The following SOX5 variants were observed in gnomAD, a reference collection of about 807,000 sequenced individuals.
SOX5 encodes the protein transcription factor SOX-5.
A neutral mutation model predicts 92.0 loss-of-function variants in SOX5; 9 were observed. That is an observed-to-expected ratio of 0.10 (90% confidence interval 0.06 to 0.17). The LOEUF (loss-of-function observed/expected upper bound fraction) is 0.17, where lower values mean the gene tolerates loss of function less well. SOX5 is among the 10% of genes least tolerant of loss of function. SOX5 has a pLI of 1.00. For missense variants in SOX5, 642 were observed against 944.5 expected, an observed-to-expected ratio of 0.68 and a Z score of 4.20; for synonymous variants, 344 against 336.3, an observed-to-expected ratio of 1.02 and a Z score of -0.25.
chr12:24,541,335 T>A (rs1437436992), intron 1 of SOX5, among the ~76,000 whole-genome samples: 1 of 152,236 alleles, frequency 6.6e-6, no homozygotes, highest in African/African-American at 2.4e-5. Context: ...GTTGCTTTCA[T>A]TATTTGTATT....
chr12:23,677,258 T>G (rs1355352532), intron 6 of SOX5, among the ~76,000 whole-genome samples: 1 of 152,154 alleles, frequency 6.6e-6, no homozygotes, highest in Non-Finnish European at 1.5e-5. Flanking sequence ...TTTTGTGTGT[T>G]TCATTAGATG....
At chr12:24,549,940 T>C (rs1952991643) in intron 1 of SOX5, among the ~76,000 whole-genome samples, 1 of 151,972 alleles carries the variant, frequency 6.6e-6, no homozygotes, top group Admixed American at 6.6e-5. Context: ...GAGGGGTGAA[T>C]ATAGAAGAAA....
At chr12:24,291,499 C>T (rs957312074) in intron 2 of SOX5, among the ~76,000 whole-genome samples, 1 of 152,192 alleles carries the variant, frequency 6.6e-6, no homozygotes, top group African/African-American at 2.4e-5. Context: ...CTCTAAGGAG[C>T]TATTGCTGTA....
chr12:24,322,548 G>T (rs1237150634), intron 2 of SOX5, among the ~76,000 whole-genome samples: 1 of 152,108 alleles, frequency 6.6e-6, no homozygotes, highest in Non-Finnish European at 1.5e-5. Flanking sequence ...GCTCTTACAG[G>T]CTGACCTAAA....
At chr12:23,620,919 G>A (rs7967172) in intron 8 of SOX5, among the ~76,000 whole-genome samples, 103,091 of 151,980 alleles carry the variant, frequency 0.68, 35,524 homozygotes, top group African/African-American at 0.81. Flanking sequence ...ATTAGAAAAT[G>A]TCAGTAAATA....
At chr12:24,439,371 T>C (rs1940057677) in intron 1 of SOX5, among the ~76,000 whole-genome samples, 1 of 152,188 alleles carries the variant, frequency 6.6e-6, no homozygotes, top group Non-Finnish European at 1.5e-5. Flanking sequence ...GAACTTATGA[T>C]GTCTCTGAGG....
At chr12:23,551,482 A>G (rs1175514261) in intron 11 of SOX5, among the ~76,000 whole-genome samples, 2 of 151,810 alleles carry the variant, frequency 1.3e-5, no homozygotes, top group Non-Finnish European at 2.9e-5. Flanking sequence ...TGTATAAATG[A>G]TATATAAACT....
chr12:24,512,280 T>C (rs547162983), intron 1 of SOX5, among the ~76,000 whole-genome samples: 3 of 152,326 alleles, frequency 2.0e-5, no homozygotes, highest in Admixed American at 1.3e-4. Flanking sequence ...ATACTTGATC[T>C]ATCTACTACT....
chr12:23,543,485 AAG>A, intron 12 of SOX5, 101 bp from the exon 13 acceptor site: 1 of 860,852 alleles, frequency 1.2e-6, no homozygotes, highest in East Asian at 2.5e-5. Context: ...TGAAAAGAAA[AAG>A]TACTTCTGAT....
chr12:23,621,275 C>T (rs1427668239), intron 8 of SOX5, among the ~76,000 whole-genome samples: 2 of 151,916 alleles, frequency 1.3e-5, no homozygotes, highest in South Asian at 2.1e-4. Flanking sequence ...TAGAATAGAG[C>T]TTATCAGGGG....
intron 4 of SOX5, among the ~76,000 whole-genome samples, chr12:24,153,132 A>G (rs769344684): frequency 1.3e-5 from 2 of 152,156 alleles, no homozygotes; most frequent in Non-Finnish European, 2.9e-5. Flanking sequence ...TGCTTCCACC[A>G]AACCTCCCAT....
At chr12:24,418,135 T>C (rs1169142853) in intron 1 of SOX5, among the ~76,000 whole-genome samples, 4 of 152,202 alleles carry the variant, frequency 2.6e-5, no homozygotes, top group Non-Finnish European at 5.9e-5. Context: ...GTTCATTATT[T>C]ACTCACGTGC....
rs538820080 is a variant in SOX5 at position 24,551,264 on chromosome 12, A to G, written c.-251+11065T>C. On this transcript the variant is annotated intron_variant, in intron 1 of 4. Transcript: ENST00000446891. ...TACTTATTAAATAGCTAATATTAGC[A>G]AGACACTGTGCTGGGCACGCTGGTG... Among the ~76,000 whole-genome samples, 7 of 152,368 alleles carry G rather than the reference A, an allele frequency of 4.6e-5. 1 individual carries two copies. The highest frequency in any genetic ancestry group is 1.7e-4 in the African/African-American group (7 of 41,590).
intron 1 of SOX5, among the ~76,000 whole-genome samples, chr12:24,372,572 G>A (rs1956849106): frequency 2.0e-5 from 3 of 152,108 alleles, no homozygotes; most frequent in Admixed American, 2.0e-4. Flanking sequence ...TTGCTATTGT[G>A]AACAGTGCCA....
intron 4 of SOX5, among the ~76,000 whole-genome samples, chr12:24,186,337 C>G (rs1956011427): frequency 6.6e-6 from 1 of 152,062 alleles, no homozygotes; most frequent in Non-Finnish European, 1.5e-5. Flanking sequence ...AGAAATTGTT[C>G]TGAAGAAAAT....
intron 7 of SOX5, among the ~76,000 whole-genome samples, chr12:23,658,717 C>T (rs973176985): frequency 2.6e-5 from 4 of 152,040 alleles, no homozygotes; most frequent in Admixed American, 2.6e-4. Context: ...ATGGTGAAAC[C>T]CCATGTCTGC....
chr12:24,053,740 T>C (rs928267656), intron 4 of SOX5, among the ~76,000 whole-genome samples: 1 of 152,224 alleles, frequency 6.6e-6, no homozygotes, highest in African/African-American at 2.4e-5. Flanking sequence ...TGACTTGACA[T>C]TGAGTTTCCT....
chr12:24,331,087 TG>T (rs773488787), intron 2 of SOX5, among the ~76,000 whole-genome samples: 5 of 152,162 alleles, frequency 3.3e-5, no homozygotes, highest in Non-Finnish European at 5.9e-5. Flanking sequence ...GGGGTACTCA[TG>T]GAAGTGCTGG....
intron 3 of SOX5, among the ~76,000 whole-genome samples, chr12:24,222,479 T>C (rs1383072677): frequency 1.3e-5 from 2 of 151,904 alleles, no homozygotes; most frequent in African/African-American, 2.4e-5. Flanking sequence ...AACGAGCAAA[T>C]AGAAGGATGG....
Sources: allele counts gnomAD v4.1 joint callset (sites outside exome capture counted in the v4.1 genomes callset), GRCh38; gene constraint gnomAD v4.1.1; transcripts MANE v1.5; gene names NCBI Gene and HGNC (gene_info 2026-07-23, HGNC 2026-07-21).